Variants in CLMN observed in about 807,000 individuals in gnomAD.
The protein encoded by CLMN is calmin.
Under a neutral mutation model 92.7 loss-of-function variants are expected in CLMN, and 57 were observed. The observed-to-expected ratio is 0.61, with a 90% CI of 0.50 to 0.77. The LOEUF is 0.77. CLMN is among the 30% of genes least tolerant of loss of function. The pLI, the probability that CLMN is intolerant of heterozygous loss-of-function variation, is 0.00. For missense variants in CLMN, 1,158 were observed against 1,237.5 expected, an observed-to-expected ratio of 0.94 and a Z score of 0.96; for synonymous variants, 466 against 470.6, an observed-to-expected ratio of 0.99 and a Z score of 0.13.
chr14:95,252,933 T>A (rs1475563754), intron 1 of CLMN, among the ~76,000 whole-genome samples: 2 of 152,132 alleles, frequency 1.3e-5, no homozygotes, highest in East Asian at 3.9e-4. Context: ...TTGATTTTAA[T>A]CTGAAGCCAT....
At chr14:95,219,328 C>A (rs1897452811) in intron 4 of CLMN, among the ~76,000 whole-genome samples, 2 of 152,186 alleles carry the variant, frequency 1.3e-5, no homozygotes, top group African/African-American at 4.8e-5. Flanking sequence ...CAGCACGAAT[C>A]TGAGGAGGCT....
At chr14:95,245,867 CATGG>C (rs146057054) in intron 1 of CLMN, among the ~76,000 whole-genome samples, 33,949 of 130,912 alleles carry the variant, frequency 0.26, 5,036 homozygotes, top group African/African-American at 0.46. Context: ...TGGATGGATG[CATGG>C]ATGGATGGAT....
intron 8 of CLMN, among the ~76,000 whole-genome samples, chr14:95,206,550 C>T (rs1252941342): frequency 6.6e-6 from 1 of 152,182 alleles, no homozygotes; most frequent in African/African-American, 2.4e-5. Context: ...ATGGTCAGGG[C>T]CCAACAAATG....
intron 1 of CLMN, among the ~76,000 whole-genome samples, chr14:95,250,290 T>C (rs185263778): frequency 3.3e-5 from 5 of 152,376 alleles, no homozygotes; most frequent in South Asian, 2.1e-4. Flanking sequence ...AAACCCATCA[T>C]GTGTGACGGT....
chr14:95,310,374 C>G (rs186040262), intron 1 of CLMN, among the ~76,000 whole-genome samples: 1 of 152,342 alleles, frequency 6.6e-6, no homozygotes, highest in East Asian at 1.9e-4. Flanking sequence ...CTGTCTCCCT[C>G]TCTCTCTGAC....
At chr14:95,288,389 C>A in intron 1 of CLMN, among the ~76,000 whole-genome samples, 1 of 152,114 alleles carries the variant, frequency 6.6e-6, no homozygotes, top group Admixed American at 6.5e-5. Context: ...AGTGAGAAGG[C>A]AGGGCTGGGG....
At chr14:95,296,063 A>G (rs1214648049) in intron 1 of CLMN, 2 of 152,260 alleles carry the variant, frequency 1.3e-5, no homozygotes, top group Admixed American at 1.3e-4. Context: ...GCGTTGTCTT[A>G]GTCTGTTTTA....
At chr14:95,215,613 G>A (rs748463388) in intron 5 of CLMN, 28 bp downstream of exon 5, 2 of 1,575,076 alleles carry the variant, frequency 1.3e-6, no homozygotes, top group South Asian at 2.2e-5. Context: ...GATCATGATT[G>A]TGTGTTTTGG....
chr14:95,271,199 G>T (rs1220958288), intron 1 of CLMN, among the ~76,000 whole-genome samples: 1 of 152,178 alleles, frequency 6.6e-6, no homozygotes, highest in African/African-American at 2.4e-5. Context: ...ATTCATTGTG[G>T]ATACAGTCCC....
At chr14:95,245,225 T>TTATATATATATA (rs1457604912) in intron 1 of CLMN, among the ~76,000 whole-genome samples, 1 of 24,360 alleles carries the variant, frequency 4.1e-5, no homozygotes, top group Non-Finnish European at 6.1e-5. Context: ...TATATATATA[T>TTATATATATATA]TATATATATA....
At chr14:95,213,131 G>A in intron 6 of CLMN, 88 bp downstream of exon 6, 1 of 1,404,360 alleles carries the variant, frequency 7.1e-7, no homozygotes, top group South Asian at 1.2e-5. Context: ...ATACATAACT[G>A]GCACCTTAAT....
intron 4 of CLMN, among the ~76,000 whole-genome samples, chr14:95,221,072 G>T (rs1436998631): frequency 1.3e-5 from 2 of 152,174 alleles, no homozygotes; most frequent in Non-Finnish European, 2.9e-5. Flanking sequence ...AAATCTCACT[G>T]TATGTGCCAA....
rs181791928 is a variant in CLMN at position 95,257,927 on chromosome 14, G to C, written c.83-27794C>G. ...GAAAGTCGGTCCAGACAATAAGAGA[G>C]AACTGGACAGACTGTAGAGAGGGGC... On this transcript the variant is annotated intron_variant, in intron 1 of 12. Coordinates refer to ENST00000298912, the MANE Select transcript of CLMN (RefSeq NM_024734.4). Among the ~76,000 whole-genome samples, 124 of 152,332 alleles carry C rather than the reference G, an allele frequency of 8.1e-4. 1 individual carries two copies. The South Asian group carries it at 0.015, about 18-fold the overall frequency.
chr14:95,225,010 C>T (rs1025118583), intron 2 of CLMN, among the ~76,000 whole-genome samples: 16 of 152,280 alleles, frequency 1.1e-4, no homozygotes, highest in Middle Eastern at 3.4e-3. Flanking sequence ...AGGCTTTCCT[C>T]ACCCCACGTG....
rs572511168 is a variant in CLMN at position 95,238,109 on chromosome 14, C to T, written c.83-7976G>A. ...GTGTGTAGAGGAGCCAGCCCTCAGA[C>T]GGCCCCTGCCTGCCCCTCCAGCCCC... On this transcript the variant is annotated intron_variant, in intron 1 of 12. Coordinates refer to ENST00000298912, the MANE Select transcript of CLMN (RefSeq NM_024734.4). Among the ~76,000 whole-genome samples the T allele has an allele frequency of 4.6e-5, 7 of 152,294 alleles. No individual in the cohort carries two copies. In the East Asian group the frequency reaches 5.8e-4, roughly 13 times the overall value.
chr14:95,297,948 G>A (rs141196324), intron 1 of CLMN, among the ~76,000 whole-genome samples: 1 of 152,274 alleles, frequency 6.6e-6, no homozygotes, highest in East Asian at 1.9e-4. Flanking sequence ...ATCTGAGGCT[G>A]TATGGTAGAG....
intron 1 of CLMN, among the ~76,000 whole-genome samples, chr14:95,243,977 T>C (rs1000063679): frequency 6.6e-6 from 1 of 152,164 alleles, no homozygotes; most frequent in Non-Finnish European, 1.5e-5. Flanking sequence ...GTTCTCTCAA[T>C]AGAGTTCTCA....
rs974462968 is a variant in CLMN, at chr14:95,316,650, G to A, written c.82+3061C>T. Among the ~76,000 whole-genome samples the A allele has an allele frequency of 2.6e-5, 4 of 152,224 alleles. No homozygotes were observed. The South Asian group carries it at 8.3e-4, about 32-fold the overall frequency. ...AGATAAAAGCCTTGGATGAGCAAGT[G>A]AGCAGAGGCCAAGATACTTCTAAGT... On this transcript the variant is annotated intron_variant, in intron 1 of 12. Transcript: ENST00000298912.
rs151011140 is a variant in CLMN at position 95,254,902 on chromosome 14, C to T, written c.83-24769G>A. Among the ~76,000 whole-genome samples, 708 of 152,290 alleles carry T rather than the reference C, an allele frequency of 4.6e-3. 4 individuals are homozygous for T. The highest frequency in any genetic ancestry group is 0.016 in the African/African-American group (666 of 41,564). ...TAGAGACAGGGTCTCGCTATGTTGA[C>T]TAGGCTGGTTTTGAACTCCTGGGTT... is the stretch of plus-strand genomic sequence containing the variant. On this transcript the variant is annotated intron_variant, in intron 1 of 12. Coordinates refer to ENST00000298912, the MANE Select transcript of CLMN (RefSeq NM_024734.4).
Sources: gnomAD v4.1 joint callset for allele counts (sites outside exome capture counted in the v4.1 genomes callset) on GRCh38, gnomAD v4.1.1 for gene constraint, MANE v1.5 for transcripts, NCBI Gene and HGNC (gene_info 2026-07-23, HGNC 2026-07-21) for gene names.